Variants in AAK1 observed in about 807,000 individuals in gnomAD.
AAK1 encodes AP2-associated protein kinase 1.
Under a neutral mutation model 116.0 loss-of-function variants are expected in AAK1, and 37 were observed. That is an observed-to-expected ratio of 0.32 (90% CI 0.25 to 0.42). The LOEUF is 0.42. AAK1 is among the 10% of genes least tolerant of loss of function. AAK1 has a pLI of 1.00. For missense variants in AAK1, 919 were observed against 1,170.6 expected (o/e 0.79, Z 3.14); for synonymous variants, 458 against 439.9 (o/e 1.04, Z -0.51).
At chr2:69,607,055 A>G (rs932010384) in intron 2 of AAK1, among the ~76,000 whole-genome samples, 8 of 151,708 alleles carry the variant, frequency 5.3e-5, no homozygotes, top group Non-Finnish European at 1.2e-4. Context: ...TCAAAAAAAA[A>G]AAAAAAAAAA....
At position 69,522,877 on chromosome 2, in the gene AAK1, C is replaced by T. The variant is rs546958370; in HGVS notation, c.1056-1889G>A. 4.6e-5 allele frequency among the ~76,000 whole-genome samples: 7 copies of T among 151,742 alleles called. No homozygotes were observed. In the South Asian group the frequency reaches 1.5e-3, roughly 32 times the overall value. On this transcript the variant is annotated intron_variant, in intron 10 of 21. Coordinates refer to ENST00000409085, the MANE Select transcript of AAK1 (RefSeq NM_014911.5). ...GAGCAGGCTTCTGTAGAAACCCAAA[C>T]AGCACAACCTCCATGTTGATCATCT... is the stretch of plus-strand genomic sequence containing the variant.
chr2:69,585,725 A>G (rs1672735980), intron 2 of AAK1, among the ~76,000 whole-genome samples: 1 of 152,224 alleles, frequency 6.6e-6, no homozygotes, highest in Non-Finnish European at 1.5e-5. Flanking sequence ...AGTTTTACAT[A>G]TGATGTGGCA....
intron 17 of AAK1, among the ~76,000 whole-genome samples, chr2:69,492,231 T>G (rs1311835217): frequency 2.0e-5 from 3 of 152,128 alleles, no homozygotes; most frequent in Non-Finnish European, 2.9e-5. Flanking sequence ...TTTTTTTTTT[T>G]GAGACGGAGT....
chr2:69,571,748 GA>G (rs1683042214), intron 2 of AAK1, among the ~76,000 whole-genome samples: 1 of 152,158 alleles, frequency 6.6e-6, no homozygotes, highest in South Asian at 2.1e-4. Context: ...GACCAAGGAA[GA>G]AAAATGGTCA....
chr2:69,620,222 C>T (rs1008966738), intron 2 of AAK1, among the ~76,000 whole-genome samples: 1 of 152,174 alleles, frequency 6.6e-6, no homozygotes, highest in African/African-American at 2.4e-5. Context: ...AACTGAATGA[C>T]AAGAGGTTTT....
rs183297839 is a variant in AAK1, at chr2:69,475,102, T to G, written c.*767A>C. On this transcript the variant is annotated 3_prime_UTR_variant, in exon 22 of 22. Transcript: ENST00000409085. The stretch of plus-strand genomic sequence containing the variant: ...AAGGAATGGCAATACTTGGGATTTA[T>G]ATAACGTACACATTGTATCCAAGGA... 961 of 985,816 alleles carry G rather than the reference T, an allele frequency of 9.7e-4. 12 individuals carry two copies. In the Admixed American group the frequency reaches 0.012, roughly 13 times the overall value. 61.1% of individuals were successfully genotyped at this position (985,816 alleles called of 1,614,324 possible).
intron 2 of AAK1, among the ~76,000 whole-genome samples, chr2:69,601,401 A>G (rs1415863787): frequency 6.6e-6 from 1 of 152,256 alleles, no homozygotes; most frequent in East Asian, 1.9e-4. Context: ...TAGGTGATTC[A>G]GCACAGAGGC....
chr2:69,621,644 T>C (rs1419857648), intron 2 of AAK1, among the ~76,000 whole-genome samples: 4 of 152,200 alleles, frequency 2.6e-5, no homozygotes. Context: ...TGGTTTGTTA[T>C]ACAGCAATAG....
chr2:69,553,683 CTG>C (rs1281010551), intron 3 of AAK1, among the ~76,000 whole-genome samples: 2 of 151,824 alleles, frequency 1.3e-5, no homozygotes, highest in African/African-American at 4.8e-5. Context: ...ACCTCGTGAT[CTG>C]CCCACCTTGG....
rs1463977486 is a variant in AAK1 at position 69,527,189 on chromosome 2, T to C, written c.975+27A>G. 3.3e-6 allele frequency: 5 copies of C among 1,502,322 alleles called. No homozygotes were observed. The African/African-American group carries it at 6.9e-5, about 21-fold the overall frequency. 93.1% of individuals were successfully genotyped at this position (1,502,322 alleles called of 1,614,324 possible). A position where few individuals can be genotyped will look rare whatever the true frequency, so the allele number is the denominator to read the frequency against. The stretch of plus-strand genomic sequence containing the variant: ...AAAATGGCAATTTGATAATGTTTAC[T>C]CCCTTTAAATAGCACCATTCACGTA... On this transcript the variant is annotated intron_variant, in intron 9 of 21. Transcript: ENST00000409085.
intron 2 of AAK1, among the ~76,000 whole-genome samples, chr2:69,580,829 T>A (rs967072987): frequency 6.6e-6 from 1 of 152,256 alleles, no homozygotes; most frequent in African/African-American, 2.4e-5. Context: ...AAGGCTTTAA[T>A]GCACTACATT....
chr2:69,609,421 C>T (rs187357636), intron 2 of AAK1, among the ~76,000 whole-genome samples: 148 of 151,902 alleles, frequency 9.7e-4, no homozygotes, highest in Non-Finnish European at 1.7e-3. Flanking sequence ...GTGGCTCAGG[C>T]CTGTAATCCC....
At chr2:69,492,011 T>C (rs1675541336) in intron 17 of AAK1, among the ~76,000 whole-genome samples, 1 of 152,100 alleles carries the variant, frequency 6.6e-6, no homozygotes, top group Admixed American at 6.5e-5. Context: ...ATAAGAAGAA[T>C]GTGTGGCTGA....
At chr2:69,640,788 C>T (rs1290700753) in intron 2 of AAK1, among the ~76,000 whole-genome samples, 4 of 152,220 alleles carry the variant, frequency 2.6e-5, no homozygotes, top group Admixed American at 2.6e-4. Flanking sequence ...CCTACTCACT[C>T]TTCAGTCACT....
chr2:69,512,982 C>A (rs1412596424), intron 13 of AAK1, among the ~76,000 whole-genome samples: 1 of 152,222 alleles, frequency 6.6e-6, no homozygotes, highest in Non-Finnish European at 1.5e-5. Flanking sequence ...CAACCACTTT[C>A]TAGTCTATGC....
chr2:69,616,983 T>C (rs538889775), intron 2 of AAK1, among the ~76,000 whole-genome samples: 1 of 152,260 alleles, frequency 6.6e-6, no homozygotes, highest in South Asian at 2.1e-4. Flanking sequence ...GGCCACAGAT[T>C]ATCCAGGGGC....
chr2:69,488,108 T>A (rs1012271152), intron 17 of AAK1, among the ~76,000 whole-genome samples: 2 of 151,842 alleles, frequency 1.3e-5, no homozygotes, highest in African/African-American at 4.8e-5. Flanking sequence ...TACTCTGATA[T>A]TTTTAGAACT....
At chr2:69,594,115 A>G (rs749112842) in intron 2 of AAK1, among the ~76,000 whole-genome samples, 57 of 152,242 alleles carry the variant, frequency 3.7e-4, no homozygotes, top group Non-Finnish European at 5.0e-4. Flanking sequence ...TTTTGTGAGC[A>G]ATTTCTACTG....
In AAK1 at chr2:69,479,078, A is replaced by G; in HGVS notation, c.2570-17T>C. On this transcript the variant is annotated splice_polypyrimidine_tract_variant and intron_variant, in intron 19 of 21. Coordinates refer to ENST00000409085, the MANE Select transcript of AAK1 (RefSeq NM_014911.5). ...TGAGAGAATCTGAGTCCAGATTAAC[A>G]GCATCCCAGGTCAGTGATGGCATTA... 1.3e-6 allele frequency: 2 copies of G among 1,542,810 alleles called. No individual in the cohort carries two copies. The highest frequency in any genetic ancestry group is 1.1e-5 in the South Asian group (1 of 89,624).
Sources: allele counts gnomAD v4.1 joint callset (sites outside exome capture counted in the v4.1 genomes callset), GRCh38; gene constraint gnomAD v4.1.1; transcripts MANE v1.5; gene names NCBI Gene and HGNC (gene_info 2026-07-23, HGNC 2026-07-21).